OPRM1: variants seen among roughly 807,000 people sequenced by gnomAD.
The protein encoded by OPRM1 is opioid receptor mu 1, also known as mu-type opioid receptor.
Under a neutral mutation model 31.8 loss-of-function variants are expected in OPRM1, and 27 were observed. The observed-to-expected ratio is 0.85, with a 90% confidence interval of 0.63 to 1.17. The LOEUF (loss-of-function observed/expected upper bound fraction) is 1.17, where lower values mean the gene tolerates loss of function less well. Among genes scored for constraint, OPRM1 ranks in the 50% most tolerant of loss-of-function variants. OPRM1 has a pLI of 0.00. For synonymous variants in OPRM1, 196 were observed against 189.9 expected (o/e 1.03, Z -0.26); for missense variants, 536 against 511.1 (o/e 1.05, Z -0.47).
intron 1 of OPRM1, among the ~76,000 whole-genome samples, chr6:154,082,601 G>A (rs1385459387): frequency 6.6e-6 from 1 of 152,126 alleles, no homozygotes; most frequent in East Asian, 1.9e-4. Flanking sequence ...GCTATACTAT[G>A]ATTTGAAGTC....
intron 1 of OPRM1, among the ~76,000 whole-genome samples, chr6:154,082,113 A>G (rs1789297995): frequency 6.6e-6 from 1 of 152,222 alleles, no homozygotes; most frequent in South Asian, 2.1e-4. Flanking sequence ...CACAGCAAAA[A>G]CAAATATTCC....
chr6:154,036,638 T>C (rs1779313126), upstream of OPRM1, among the ~76,000 whole-genome samples: 1 of 151,978 alleles, frequency 6.6e-6, no homozygotes, highest in Non-Finnish European at 1.5e-5. Flanking sequence ...CAGACTATAT[T>C]GAGTCAAAAA....
chr6:154,107,473 G>C (rs1193804794), intron 3 of OPRM1: 1 of 718,526 alleles, frequency 1.4e-6, no homozygotes, highest in Admixed American at 2.0e-5. Context: ...AGGTGGAATT[G>C]AACCTGGACT....
intron 1 of OPRM1, among the ~76,000 whole-genome samples, chr6:154,065,648 AAC>A (rs1346781486): frequency 2.6e-5 from 4 of 152,026 alleles, no homozygotes; most frequent in Admixed American, 2.0e-4. Flanking sequence ...TATTAGTTCT[AAC>A]AGTTTTTTTT....
intron 3 of OPRM1, among the ~76,000 whole-genome samples, chr6:154,177,213 A>G (rs537203491): frequency 1.3e-5 from 2 of 152,240 alleles, no homozygotes; most frequent in Non-Finnish European, 2.9e-5. Context: ...AATACCGTTC[A>G]GGACATAGGC....
intron 1 of OPRM1, among the ~76,000 whole-genome samples, chr6:154,029,426 A>G (rs577639096): frequency 1.3e-5 from 2 of 152,342 alleles, no homozygotes; most frequent in African/African-American, 4.8e-5. Flanking sequence ...TATTTTTTGA[A>G]AAGAAATTTC....
In OPRM1 at chr6:154,129,547, T is replaced by C. The variant is rs561342870; in HGVS notation, c.*10826T>C. 5.6e-4 allele frequency among the ~76,000 whole-genome samples: 85 copies of C among 152,238 alleles called. No homozygotes were observed. The highest frequency in any genetic ancestry group is 1.1e-3 in the Non-Finnish European group (76 of 68,046). On this transcript the variant is annotated 3_prime_UTR_variant, in exon 4 of 4. Transcript: ENST00000330432. ...AGACTTCCACATAATTGAGTTTTAG[T>C]GCCCACTGTTACAGAAAATCATAAT...
intron 1 of OPRM1, among the ~76,000 whole-genome samples, chr6:154,029,282 A>T (rs1317516558): frequency 6.6e-6 from 1 of 152,242 alleles, no homozygotes. Flanking sequence ...CCTTTAAAAA[A>T]AAACTAAACA....
At position 154,123,622 on chromosome 6, in the gene OPRM1, T is replaced by A. The variant is rs180837359; in HGVS notation, c.*4901T>A. On this transcript the variant is annotated 3_prime_UTR_variant, in exon 4 of 4. Transcript: ENST00000330432. ...GCTATTTTTGTGGTTATTTCTTGAT[T>A]ATATGCTAAACAAGGGGTGGATTAT... Among the ~76,000 whole-genome samples, 44 of 152,320 alleles carry A rather than the reference T, an allele frequency of 2.9e-4. No homozygotes were observed. The Middle Eastern group carries it at 0.01, about 35-fold the overall frequency.
Position 154,039,610 on chromosome 6 carries a change from C to T in OPRM1, c.66C>T (p.Cys22=), listed in dbSNP as rs1779611149. The change falls in exon 1 of 4, where the codon TGC becomes TGT. Residue 22 remains cysteine (C), a synonymous_variant. Transcript: ENST00000330432. ...CTGATGCCTTGGCGTACTCAAGTTGCTCCCCAGCACCCAGCCCCGGTTCCT... is the reference window on the plus strand; with the variant it reads ...CTGATGCCTTGGCGTACTCAAGTTGTTCCCCAGCACCCAGCCCCGGTTCCT... ...NCTDALAYSS[C]SPAPSPGSWV... 1.9e-6 allele frequency: 3 copies of T among 1,613,766 alleles called. No homozygotes were observed. Among genetic ancestry groups the T allele is most frequent in the South Asian group, 1.1e-5 (1 of 91,068 alleles).
chr6:154,092,091 A>G lies in OPRM1; in HGVS notation c.1164+619A>G, dbSNP rs371912251. ...TTATTAATATGTGAATATTAATCTA[A>G]TAAATTTTATTAGATTAAACAATTT... is the stretch of plus-strand genomic sequence containing the variant. On this transcript the variant is annotated intron_variant, in intron 3 of 3. Coordinates refer to ENST00000330432, the MANE Select transcript of OPRM1 (RefSeq NM_000914.5). 2.3e-5 allele frequency: 5 copies of G among 219,874 alleles called. No homozygotes were observed. The Admixed American group carries it at 2.6e-4, about 11-fold the overall frequency. 13.6% of individuals were successfully genotyped at this position (219,874 alleles called of 1,614,324 possible). A position where few individuals can be genotyped will look rare whatever the true frequency, so the allele number is the denominator to read the frequency against.
chr6:154,159,260 A>G (rs1798835607), intron 3 of OPRM1: 1 of 154,274 alleles, frequency 6.5e-6, no homozygotes, highest in Non-Finnish European at 1.4e-5. Context: ...CCCACATGCC[A>G]CTGTCTATGA....
rs183083714 is a variant in OPRM1 at position 154,215,311 on chromosome 6, T to C, written c.1165-31382T>C. Reference sequence around the variant, plus strand: ...GTACCTGTTATTTTTGAATAGAAAATATATAACAAATTCAATGCCGGGAGC... The same window carrying C: ...GTACCTGTTATTTTTGAATAGAAAACATATAACAAATTCAATGCCGGGAGC... On this transcript the variant is annotated intron_variant, in intron 3 of 3. Transcript: ENST00000337049. 1.3e-4 allele frequency among the ~76,000 whole-genome samples: 20 copies of C among 152,034 alleles called. No homozygotes were observed. In the East Asian group the frequency reaches 3.1e-3, roughly 24 times the overall value.
In OPRM1 at chr6:154,205,074, C is replaced by T. The variant is rs114270073; in HGVS notation, c.1165-41619C>T. Among the ~76,000 whole-genome samples, 993 of 152,324 alleles carry T rather than the reference C, an allele frequency of 6.5e-3. 6 individuals carry two copies. Among genetic ancestry groups the T allele is most frequent in the African/African-American group, 0.023 (951 of 41,570 alleles). On this transcript the variant is annotated intron_variant, in intron 3 of 3. Transcript: ENST00000337049. ...ATATCACTTCTTCCACAGGGTCTTCCATGACAGAGCAGACAGAGCAGTATC... is the reference window on the plus strand; with the variant it reads ...ATATCACTTCTTCCACAGGGTCTTCTATGACAGAGCAGACAGAGCAGTATC...
intron 2 of OPRM1, among the ~76,000 whole-genome samples, chr6:154,090,730 G>A (rs574760370): frequency 1.3e-5 from 2 of 152,232 alleles, no homozygotes; most frequent in East Asian, 3.9e-4. Context: ...TAATGTGATC[G>A]AAGTGGACTG....
intron 3 of OPRM1, among the ~76,000 whole-genome samples, chr6:154,202,088 AG>A (rs2128593816): frequency 6.6e-6 from 1 of 152,324 alleles, no homozygotes; most frequent in Non-Finnish European, 1.5e-5. Context: ...TTTTGATGGG[AG>A]AAGCCAATAT....
chr6:154,091,994 A>G, intron 3 of OPRM1: 3 of 954,424 alleles, frequency 3.1e-6, no homozygotes, highest in Non-Finnish European at 3.7e-6. Context: ...ACCATCCCTA[A>G]CTTTTCTTAA....
chr6:154,225,377 G>T (rs1487410030), intron 3 of OPRM1, among the ~76,000 whole-genome samples: 1 of 152,172 alleles, frequency 6.6e-6, no homozygotes, highest in Non-Finnish European at 1.5e-5. Context: ...TAAATTAATT[G>T]TGCTGTATCT....
intron 3 of OPRM1, among the ~76,000 whole-genome samples, chr6:154,162,075 T>C (rs1799072532): frequency 6.6e-6 from 1 of 152,204 alleles, no homozygotes; most frequent in African/African-American, 2.4e-5. Context: ...ACGAACTACA[T>C]GGATGCAAAT....
Sources: allele counts gnomAD v4.1 joint callset (sites outside exome capture counted in the v4.1 genomes callset), GRCh38; gene constraint gnomAD v4.1.1; transcripts MANE v1.5; gene names NCBI Gene and HGNC (gene_info 2026-07-23, HGNC 2026-07-21).